NBEA: variants seen among roughly 807,000 people sequenced by gnomAD.
NBEA encodes neurobeachin, also known as lysosomal-trafficking regulator 2.
Under a neutral mutation model 343.4 loss-of-function variants are expected in NBEA, and 44 were observed. The ratio of observed to expected loss-of-function variants is 0.13; its 90% CI spans 0.10 to 0.16. The LOEUF (loss-of-function observed/expected upper bound fraction) is 0.16. Among genes scored for constraint, NBEA ranks in the 10% least tolerant of loss-of-function variants. NBEA has a pLI of 1.00. For synonymous variants in NBEA, 1,175 were observed against 1,238.7 expected (o/e 0.95, Z 1.08); for missense variants, 2,555 against 3,631.3 (o/e 0.70, Z 7.62).
At chr13:35,098,717 A>G (rs4943295) in intron 11 of NBEA, among the ~76,000 whole-genome samples, 51,103 of 151,954 alleles carry the variant, frequency 0.34, 9,065 homozygotes, top group Middle Eastern at 0.54. Context: ...CTAAGGTGTC[A>G]CTTACCCATG....
At chr13:35,405,358 C>T (rs1027232812) in intron 38 of NBEA, among the ~76,000 whole-genome samples, 1 of 152,164 alleles carries the variant, frequency 6.6e-6, no homozygotes, top group East Asian at 1.9e-4. Context: ...TCTTAGTAGA[C>T]TGTCTCATGC....
In NBEA at chr13:34,955,079, A is replaced by G. The variant is rs570397263; in HGVS notation, c.294+11965A>G. On this transcript the variant is annotated intron_variant, in intron 1 of 58. Transcript: ENST00000379939. Reference sequence around the variant, plus strand: ...TGAGAACCAGGTAGGTTAAGATTCTATGGTCCTTCACAGACTAGGAATTAA... The same window carrying G: ...TGAGAACCAGGTAGGTTAAGATTCTGTGGTCCTTCACAGACTAGGAATTAA... Among the ~76,000 whole-genome samples the G allele has an allele frequency of 3.3e-5, 5 of 152,252 alleles. No individual in the cohort carries two copies. The South Asian group carries it at 6.2e-4, about 19-fold the overall frequency.
intron 4 of NBEA, among the ~76,000 whole-genome samples, chr13:35,047,572 T>C (rs2062907721): frequency 6.6e-6 from 1 of 151,840 alleles, no homozygotes; most frequent in African/African-American, 2.4e-5. Flanking sequence ...ACATGATGTA[T>C]AGGAAGAGGA....
intron 6 of NBEA, among the ~76,000 whole-genome samples, chr13:35,051,262 A>T (rs878899749): frequency 6.6e-6 from 1 of 151,984 alleles, no homozygotes; most frequent in African/African-American, 2.4e-5. Context: ...TTTAGGGCAC[A>T]CTGCCTCCTC....
chr13:35,358,761 A>T (rs1056622065), intron 38 of NBEA, among the ~76,000 whole-genome samples: 1 of 152,150 alleles, frequency 6.6e-6, no homozygotes, highest in African/African-American at 2.4e-5. Context: ...ACTTTGGCAA[A>T]TGATAGGATA....
chr13:35,296,273 C>T (rs1728621499), intron 35 of NBEA, among the ~76,000 whole-genome samples: 1 of 151,456 alleles, frequency 6.6e-6, no homozygotes, highest in African/African-American at 2.4e-5. Context: ...CCCAGCTACT[C>T]AGGTGACTGA....
At chr13:35,421,516 A>G (rs2044268965) in intron 38 of NBEA, among the ~76,000 whole-genome samples, 1 of 152,090 alleles carries the variant, frequency 6.6e-6, no homozygotes, top group South Asian at 2.1e-4. Context: ...TATACTTAGA[A>G]CCACATCAGT....
intron 10 of NBEA, among the ~76,000 whole-genome samples, chr13:35,073,390 A>G (rs912722927): frequency 5.3e-5 from 8 of 152,200 alleles, no homozygotes; most frequent in Admixed American, 5.2e-4. Flanking sequence ...TGCATGGTAA[A>G]TAGATGACTG....
intron 36 of NBEA, among the ~76,000 whole-genome samples, chr13:35,311,909 G>A (rs1049151680): frequency 4.6e-5 from 7 of 152,052 alleles, no homozygotes; most frequent in African/African-American, 1.7e-4. Flanking sequence ...TGTCCATTAT[G>A]TTCTCTGTGC....
chr13:35,148,857 A>G lies in NBEA; in HGVS notation c.2445+6480A>G, dbSNP rs537597471. On this transcript the variant is annotated intron_variant, in intron 18 of 58. Transcript: ENST00000379939. ...TAGCTCAGAAGCAGCCATAGACAGT[A>G]TGAACCAGACAGGCTGTGTACCAGT... Among the ~76,000 whole-genome samples, 288 of 152,340 alleles carry G rather than the reference A, an allele frequency of 1.9e-3. 1 individual carries two copies. The highest frequency in any genetic ancestry group is 3.5e-3 in the Non-Finnish European group (238 of 68,034).
intron 1 of NBEA, among the ~76,000 whole-genome samples, chr13:34,945,766 A>G (rs928287128): frequency 4.6e-5 from 7 of 151,856 alleles, no homozygotes; most frequent in African/African-American, 1.4e-4. Context: ...TTTCCTGTTT[A>G]TTTTTTCTTC....
intron 40 of NBEA, among the ~76,000 whole-genome samples, chr13:35,454,600 C>A (rs947991034): frequency 6.6e-6 from 1 of 152,156 alleles, no homozygotes; most frequent in African/African-American, 2.4e-5. Context: ...GTTGCTCACA[C>A]CTGTAATCCC....
At chr13:35,045,073 A>G (rs755790448) in intron 3 of NBEA, 26 bp downstream of exon 3, 2 of 1,561,174 alleles carry the variant, frequency 1.3e-6, no homozygotes, top group Admixed American at 1.8e-5. Context: ...AGGGAAAGGT[A>G]TTCAGTATCA....
At chr13:35,637,907 G>T (rs1170806653) in intron 49 of NBEA, among the ~76,000 whole-genome samples, 1 of 152,066 alleles carries the variant, frequency 6.6e-6, no homozygotes, top group Non-Finnish European at 1.5e-5. Flanking sequence ...TGGTGTATGT[G>T]TGTGTAATGC....
chr13:35,156,283 C>T, intron 20 of NBEA, 77 bp downstream of exon 20: 1 of 1,359,304 alleles, frequency 7.4e-7, no homozygotes, highest in East Asian at 2.7e-5. Context: ...CAATTCATTT[C>T]AAATCTTTTC....
In NBEA at chr13:35,026,371, T is replaced by C. The variant is rs190550021; in HGVS notation, c.295-14562T>C. On this transcript the variant is annotated intron_variant, in intron 1 of 58. Transcript: ENST00000379939. Reference sequence around the variant, plus strand: ...TCCTTGTAATCTCACTGTATTTCTCTGCTTTCTGTTTGCTGACTGTTCCCT... The same window carrying C: ...TCCTTGTAATCTCACTGTATTTCTCCGCTTTCTGTTTGCTGACTGTTCCCT... Among the ~76,000 whole-genome samples, 118 of 152,284 alleles carry C rather than the reference T, an allele frequency of 7.7e-4. 1 individual carries two copies. The highest frequency in any genetic ancestry group is 1.3e-3 in the Non-Finnish European group (85 of 67,996).
chr13:35,285,431 A>C (rs1194922695), intron 34 of NBEA, among the ~76,000 whole-genome samples: 1 of 152,180 alleles, frequency 6.6e-6, no homozygotes, highest in African/African-American at 2.4e-5. Flanking sequence ...AGTCATGTCT[A>C]TTTGATAGAA....
At chr13:35,120,213 G>C (rs527596476) in intron 16 of NBEA, among the ~76,000 whole-genome samples, 45 of 152,166 alleles carry the variant, frequency 3.0e-4, no homozygotes, top group African/African-American at 1.1e-3. Context: ...TCCTACAATT[G>C]AGAGTGCTAT....
intron 1 of NBEA, among the ~76,000 whole-genome samples, chr13:34,960,856 C>T (rs1243357586): frequency 6.6e-6 from 1 of 152,032 alleles, no homozygotes; most frequent in Non-Finnish European, 1.5e-5. Flanking sequence ...TGATGAATGA[C>T]TGTATTTTAT....
Sources: allele counts gnomAD v4.1 joint callset (sites outside exome capture counted in the v4.1 genomes callset), GRCh38; gene constraint gnomAD v4.1.1; transcripts MANE v1.5; gene names NCBI Gene and HGNC (gene_info 2026-07-23, HGNC 2026-07-21).